PPARGC1A: variants seen among roughly 807,000 people sequenced by gnomAD.
PPARGC1A encodes the protein peroxisome proliferator-activated receptor gamma coactivator 1-alpha.
PPARGC1A carries 25 observed loss-of-function variants against 88.7 expected under a neutral mutation model. That is an observed-to-expected ratio of 0.28 (90% CI 0.21 to 0.39). PPARGC1A has a LOEUF of 0.39. PPARGC1A is among the 10% of genes least tolerant of loss of function. The pLI is 1.00. For synonymous variants in PPARGC1A, 363 were observed against 355.6 expected, an observed-to-expected ratio of 1.02 and a Z score of -0.24; for missense variants, 880 against 968.7, an observed-to-expected ratio of 0.91 and a Z score of 1.22.
At chr4:24,400,520 A>G in the PPARGC1A span, among the ~76,000 whole-genome samples, 111 of 152,336 alleles carry the variant, frequency 7.3e-4, no homozygotes, top group Middle Eastern at 3.4e-3. Flanking sequence ...TTAATACTTA[A>G]TAAACTCCCA....
the PPARGC1A span, among the ~76,000 whole-genome samples, chr4:24,435,380 T>A: frequency 6.6e-6 from 1 of 152,232 alleles, no homozygotes; most frequent in Non-Finnish European, 1.5e-5. Context: ...GCCATGCCTT[T>A]GCCCACACTG....
intron 10 of PPARGC1A, among the ~76,000 whole-genome samples, chr4:23,810,416 C>T (rs1032111421): frequency 6.6e-5 from 10 of 152,130 alleles, no homozygotes; most frequent in African/African-American, 2.2e-4. Context: ...ATTTGTAACA[C>T]AAAGGGACAA....
At chr4:24,021,702 G>T in the PPARGC1A span, among the ~76,000 whole-genome samples, 1,998 of 152,240 alleles carry the variant, frequency 0.013, 49 homozygotes, top group African/African-American at 0.046. Flanking sequence ...CCTCTAAAAG[G>T]AAGCTAATAA....
chr4:24,256,919 C>T, the PPARGC1A span, among the ~76,000 whole-genome samples: 82 of 152,206 alleles, frequency 5.4e-4, 1 homozygote, highest in South Asian at 8.1e-3. Context: ...AGAACTTTTC[C>T]AGAGGGGTAA....
chr4:24,329,512 C>T, the PPARGC1A span, among the ~76,000 whole-genome samples: 3 of 152,102 alleles, frequency 2.0e-5, no homozygotes, highest in East Asian at 5.8e-4. Flanking sequence ...CACCTTCAGC[C>T]TTTGCTTGTG....
At chr4:24,165,846 GAC>G in the PPARGC1A span, among the ~76,000 whole-genome samples, 1 of 152,008 alleles carries the variant, frequency 6.6e-6, no homozygotes, top group Non-Finnish European at 1.5e-5. Context: ...TATTCCCTGA[GAC>G]ACACAATATT....
intron 2 of PPARGC1A, among the ~76,000 whole-genome samples, chr4:23,844,291 C>T (rs1399546131): frequency 1.6e-5 from 2 of 122,572 alleles, no homozygotes; most frequent in South Asian, 2.7e-4. Context: ...GACACAAGGC[C>T]ATGTGTACAT....
At chr4:23,818,554 T>G (rs975732298) in intron 7 of PPARGC1A, among the ~76,000 whole-genome samples, 2 of 152,096 alleles carry the variant, frequency 1.3e-5, no homozygotes, top group African/African-American at 4.8e-5. Flanking sequence ...ATTACTGCAT[T>G]GAAATGTGCT....
At chr4:23,935,992 G>A in the PPARGC1A span, among the ~76,000 whole-genome samples, 4 of 152,054 alleles carry the variant, frequency 2.6e-5, no homozygotes, top group Non-Finnish European at 5.9e-5. Flanking sequence ...TTCTTAGCAT[G>A]TAAGACTTTT....
the PPARGC1A span, chr4:24,091,324 T>C: frequency 2.0e-6 from 1 of 512,702 alleles, no homozygotes; most frequent in Non-Finnish European, 2.5e-6. Context: ...TGCAAAGACG[T>C]GGACACTACC....
the PPARGC1A span, among the ~76,000 whole-genome samples, chr4:24,420,161 T>A: frequency 4.2e-3 from 647 of 152,322 alleles, 7 homozygotes; most frequent in African/African-American, 0.014. Flanking sequence ...GCTTAAATAA[T>A]GTAATTTGTT....
At chr4:24,122,800 G>A in the PPARGC1A span, among the ~76,000 whole-genome samples, 1 of 152,118 alleles carries the variant, frequency 6.6e-6, no homozygotes, top group South Asian at 2.1e-4. Context: ...ATGATTAAGA[G>A]GAATTAACCA....
the PPARGC1A span, among the ~76,000 whole-genome samples, chr4:24,012,276 G>T: frequency 2.6e-5 from 4 of 152,230 alleles, no homozygotes; most frequent in South Asian, 8.3e-4. Flanking sequence ...CTCCTAGGGT[G>T]ACCACAGAGT....
chr4:24,273,261 C>A, the PPARGC1A span, among the ~76,000 whole-genome samples: 1 of 152,126 alleles, frequency 6.6e-6, no homozygotes, highest in Admixed American at 6.5e-5. Flanking sequence ...AAACTCTGCC[C>A]GCATCACTAT....
At chr4:24,131,503 C>T in the PPARGC1A span, among the ~76,000 whole-genome samples, 4 of 152,306 alleles carry the variant, frequency 2.6e-5, no homozygotes, top group East Asian at 5.8e-4. Flanking sequence ...CAAGATGGCA[C>T]ATACTGTAAG....
At chr4:24,004,759 G>A in the PPARGC1A span, among the ~76,000 whole-genome samples, 1 of 152,106 alleles carries the variant, frequency 6.6e-6, no homozygotes, top group Non-Finnish European at 1.5e-5. Flanking sequence ...GTTCAAAAAG[G>A]CAAATTACTA....
At chr4:24,429,696 G>A in the PPARGC1A span, among the ~76,000 whole-genome samples, 7 of 143,288 alleles carry the variant, frequency 4.9e-5, no homozygotes, top group African/African-American at 1.8e-4. Flanking sequence ...CTGTCACCCA[G>A]GCTGGAGTGC....
chr4:24,173,647 C>A, the PPARGC1A span, among the ~76,000 whole-genome samples: 3 of 152,154 alleles, frequency 2.0e-5, no homozygotes, highest in Non-Finnish European at 4.4e-5. Context: ...CAGGATATGT[C>A]GTGAGGAGCA....
At chr4:23,852,110 T>C (rs953404045) in intron 2 of PPARGC1A, among the ~76,000 whole-genome samples, 4 of 152,146 alleles carry the variant, frequency 2.6e-5, no homozygotes, top group Non-Finnish European at 4.4e-5. Context: ...TCCATTACAA[T>C]TAATCCCCAC....
Sources: allele counts gnomAD v4.1 joint callset (sites outside exome capture counted in the v4.1 genomes callset), GRCh38; gene constraint gnomAD v4.1.1; transcripts MANE v1.5; gene names NCBI Gene and HGNC (gene_info 2026-07-23, HGNC 2026-07-21).